The following HRH1 variants were observed in gnomAD, a reference collection of about 807,000 sequenced individuals.
The protein encoded by HRH1 is histamine H1 receptor.
In HRH1, 6 loss-of-function variants were observed where a neutral mutation model predicts 10.3. That is an observed-to-expected ratio of 0.58 (90% confidence interval 0.32 to 1.15). The LOEUF (loss-of-function observed/expected upper bound fraction) is 1.15, where lower values mean the gene tolerates loss of function less well. Among genes scored for constraint, HRH1 ranks in the 50% most tolerant of loss-of-function variants. The pLI, the probability that HRH1 is intolerant of heterozygous loss-of-function variation, is 0.05. For missense variants in HRH1, 514 were observed against 615.3 expected (o/e 0.84, Z 1.74); for synonymous variants, 242 against 236.7 (o/e 1.02, Z -0.21).
At chr3:11,158,388 T>C (rs1049403483) in intron 1 of HRH1, among the ~76,000 whole-genome samples, 3 of 152,224 alleles carry the variant, frequency 2.0e-5, no homozygotes, top group African/African-American at 7.2e-5. Flanking sequence ...CCATGTTTTA[T>C]AAGAGAAGAA....
chr3:11,187,314 G>A (rs895364221), intron 1 of HRH1, among the ~76,000 whole-genome samples: 32 of 152,022 alleles, frequency 2.1e-4, no homozygotes, highest in African/African-American at 7.7e-4. Flanking sequence ...AACTGGGATG[G>A]GCCATTTGGA....
At chr3:11,255,564 A>G (rs13074680) in intron 1 of HRH1, among the ~76,000 whole-genome samples, 13,870 of 152,322 alleles carry the variant, frequency 0.091, 757 homozygotes, top group South Asian at 0.16. Context: ...CCCATGACAC[A>G]GCAACAGGAG....
intron 1 of HRH1, among the ~76,000 whole-genome samples, chr3:11,141,528 T>C (rs947606860): frequency 2.0e-5 from 3 of 152,176 alleles, no homozygotes; most frequent in African/African-American, 7.2e-5. Context: ...CCACTTCCAA[T>C]TGGTTCACTC....
chr3:11,237,246 G>A (rs1322284698), intron 1 of HRH1, among the ~76,000 whole-genome samples: 1 of 152,210 alleles, frequency 6.6e-6, no homozygotes, highest in South Asian at 2.1e-4. Context: ...AAAAGAGGAT[G>A]ATGTATTCAC....
rs148683396 is a variant in HRH1 at position 11,213,932 on chromosome 3, G to C, written c.-35-45071G>C. ...CAAAGGACTATCACGTAAAGAGATG[G>C]CAGGTTTTCTACCCAGGTGGTTGGA... is the stretch of plus-strand genomic sequence containing the variant. On this transcript the variant is annotated intron_variant, in intron 1 of 1. Transcript: ENST00000431010. Among the ~76,000 whole-genome samples the C allele has an allele frequency of 2.9e-4, 44 of 152,324 alleles. No homozygotes were observed. In the Middle Eastern group the frequency reaches 0.01, roughly 35 times the overall value.
chr3:11,180,177 C>A (rs901956608), intron 1 of HRH1, among the ~76,000 whole-genome samples: 18 of 152,108 alleles, frequency 1.2e-4, no homozygotes, highest in African/African-American at 3.6e-4. Context: ...CAACCATCAC[C>A]ACTATCTAAT....
intron 1 of HRH1, among the ~76,000 whole-genome samples, chr3:11,199,205 G>A (rs1048961806): frequency 6.6e-6 from 1 of 152,120 alleles, no homozygotes; most frequent in Non-Finnish European, 1.5e-5. Flanking sequence ...TTACAAGCTT[G>A]TAATCTCTAT....
chr3:11,150,670 G>A (rs1936588670), upstream of HRH1, among the ~76,000 whole-genome samples: 1 of 152,174 alleles, frequency 6.6e-6, no homozygotes, highest in Admixed American at 6.5e-5. Flanking sequence ...ACTGGAACTT[G>A]TTTCAGAGTT....
chr3:11,249,402 C>CAAAAAAAAAAAA (rs4037602), intron 1 of HRH1, among the ~76,000 whole-genome samples: 1 of 71,878 alleles, frequency 1.4e-5, no homozygotes, highest in African/African-American at 5.9e-5. Flanking sequence ...GACTCTGTCT[C>CAAAAAAAAAAAA]AAAAAAAAAA....
intron 1 of HRH1, among the ~76,000 whole-genome samples, chr3:11,216,205 A>G (rs889581531): frequency 7.2e-5 from 11 of 152,228 alleles, no homozygotes; most frequent in Non-Finnish European, 2.9e-5. Context: ...TATGGAAAAC[A>G]GTATGGCAGC....
chr3:11,235,154 G>T (rs1939145379), intron 1 of HRH1, among the ~76,000 whole-genome samples: 1 of 151,654 alleles, frequency 6.6e-6, no homozygotes, highest in African/African-American at 2.4e-5. Flanking sequence ...GGCAGAGATT[G>T]CAGTGAGCCG....
chr3:11,250,083 C>T (rs1406544767), intron 1 of HRH1, among the ~76,000 whole-genome samples: 1 of 145,110 alleles, frequency 6.9e-6, no homozygotes, highest in Admixed American at 7.0e-5. Flanking sequence ...CGCTCTGCCG[C>T]CCAGGCTGGA....
At chr3:11,182,143 T>C (rs546704931) in intron 1 of HRH1, among the ~76,000 whole-genome samples, 28 of 151,196 alleles carry the variant, frequency 1.9e-4, no homozygotes, top group Non-Finnish European at 3.4e-4. Context: ...CCACCGCACC[T>C]GGCTAATTTT....
At chr3:11,162,376 T>C (rs1356653411) in intron 1 of HRH1, among the ~76,000 whole-genome samples, 2 of 151,336 alleles carry the variant, frequency 1.3e-5, no homozygotes, top group African/African-American at 4.9e-5. Flanking sequence ...GGCAAGGGGG[T>C]TGGGGCGATC....
At chr3:11,211,862 G>A (rs141750117) in intron 1 of HRH1, among the ~76,000 whole-genome samples, 1 of 152,302 alleles carries the variant, frequency 6.6e-6, no homozygotes, top group East Asian at 1.9e-4. Context: ...CCTGTGGTTT[G>A]GAGAAGCGTT....
intron 1 of HRH1, among the ~76,000 whole-genome samples, chr3:11,202,438 T>TAAATAAATAATTAAA (rs58125465): frequency 6.4e-4 from 86 of 133,550 alleles, no homozygotes; most frequent in Non-Finnish European, 1.0e-3. Flanking sequence ...AAATAAATAA[T>TAAATAAATAATTAAA]TAATTAAAAA....
At chr3:11,144,451 C>G (rs1401081961) in intron 1 of HRH1, among the ~76,000 whole-genome samples, 5 of 151,588 alleles carry the variant, frequency 3.3e-5, no homozygotes, top group Non-Finnish European at 7.4e-5. Flanking sequence ...AGACATACGT[C>G]TATAGGTATA....
intron 1 of HRH1, among the ~76,000 whole-genome samples, chr3:11,181,693 G>A (rs533879980): frequency 4.5e-4 from 66 of 146,748 alleles, no homozygotes; most frequent in Non-Finnish European, 8.9e-4. Context: ...GCGCAGTGGC[G>A]CGATCTTAGC....
intron 1 of HRH1, among the ~76,000 whole-genome samples, chr3:11,220,712 A>T (rs1938684141): frequency 6.6e-6 from 1 of 152,158 alleles, no homozygotes; most frequent in Admixed American, 6.5e-5. Flanking sequence ...TAAAGAACAG[A>T]CAAGTTGAGG....
Sources: gnomAD v4.1 joint callset for allele counts (sites outside exome capture counted in the v4.1 genomes callset) on GRCh38, gnomAD v4.1.1 for gene constraint, MANE v1.5 for transcripts, NCBI Gene and HGNC (gene_info 2026-07-23, HGNC 2026-07-21) for gene names.